AKAP9: variants seen among roughly 807,000 people sequenced by gnomAD.
AKAP9 encodes A-kinase anchoring protein 9, also known as A-kinase anchor protein 9.
AKAP9 carries 311 observed loss-of-function variants against 488.5 expected under a neutral mutation model. That is an observed-to-expected ratio of 0.64 (90% CI 0.58 to 0.70). The LOEUF (loss-of-function observed/expected upper bound fraction) is 0.70, where lower values mean the gene tolerates loss of function less well. Ranked by LOEUF, AKAP9 falls within the 30% of genes least tolerant of loss-of-function variation. The pLI, the probability that AKAP9 is intolerant of heterozygous loss-of-function variation, is 0.00. For missense variants in AKAP9, 4,215 were observed against 4,374.5 expected, an observed-to-expected ratio of 0.96 and a Z score of 1.03; for synonymous variants, 1,462 against 1,483.5, an observed-to-expected ratio of 0.99 and a Z score of 0.33.
intron 8 of AKAP9, among the ~76,000 whole-genome samples, chr7:92,006,961 C>T (rs1436651048): frequency 6.6e-6 from 1 of 152,094 alleles, no homozygotes; most frequent in African/African-American, 2.4e-5. Context: ...GACCCAGTCT[C>T]CTGTATCTCT....
chr7:92,108,775 T>A, intron 49 of AKAP9, 142 bp downstream of exon 49: 1 of 985,108 alleles, frequency 1.0e-6, no homozygotes, highest in Non-Finnish European at 1.6e-6. Context: ...AGCCAAAGCT[T>A]AAACTCTTGT....
At chr7:91,995,967 T>A in intron 7 of AKAP9, 167 bp downstream of exon 7, 1 of 630,066 alleles carries the variant, frequency 1.6e-6, no homozygotes, top group Non-Finnish European at 2.7e-6. Flanking sequence ...ATGTAGTTTT[T>A]AAGATAATAG....
chr7:92,055,319 C>T (rs1356090948), intron 22 of AKAP9, among the ~76,000 whole-genome samples: 14 of 152,004 alleles, frequency 9.2e-5, no homozygotes, highest in Admixed American at 6.6e-5. Flanking sequence ...AATCAAAATA[C>T]TGAAACACAT....
chr7:91,956,508 G>A (rs1202944287), intron 1 of AKAP9, among the ~76,000 whole-genome samples: 1 of 151,718 alleles, frequency 6.6e-6, no homozygotes, highest in Non-Finnish European at 1.5e-5. Context: ...TATTGATTCT[G>A]AGCTGCTTTG....
In AKAP9 at chr7:91,998,418, C is replaced by CTTTTTTTTTTTTTTTTTT. The variant is rs60778133; in HGVS notation, c.931-2410_931-2393dup. 7.4e-5 allele frequency among the ~76,000 whole-genome samples: 4 copies of CTTTTTTTTTTTTTTTTTT among 53,994 alleles called. 1 individual carries two copies. The highest frequency in any genetic ancestry group is 1.2e-4 in the Non-Finnish European group (3 of 25,224). 35.4% of individuals were successfully genotyped at this position (53,994 alleles called of 152,430 possible). A position where few individuals can be genotyped will look rare whatever the true frequency, so the allele number is the denominator to read the frequency against. On this transcript the variant is annotated intron_variant, in intron 7 of 49. Transcript: ENST00000356239. ...AGATAGTGTATTCAACCACAGGGCT[C>CTTTTTTTTTTTTTTTTTT]TTTTTTTTTTTTTTTTTTTTTTTTT...
intron 1 of AKAP9, among the ~76,000 whole-genome samples, chr7:91,944,894 T>A (rs1791249504): frequency 6.6e-6 from 1 of 152,206 alleles, no homozygotes; most frequent in Admixed American, 6.5e-5. Context: ...TTTTATAGAT[T>A]TCCTTTCTGT....
intron 16 of AKAP9, 44 bp from the exon 17 acceptor site, chr7:92,038,375 T>C (rs1226825680): frequency 6.8e-7 from 1 of 1,477,564 alleles, no homozygotes; most frequent in Non-Finnish European, 9.4e-7. Flanking sequence ...TTCCTGCTGA[T>C]ATTTCTAAAT....
chr7:92,031,662 A>G (rs1804260152), intron 16 of AKAP9, 58 bp downstream of exon 16: 5 of 1,293,462 alleles, frequency 3.9e-6, no homozygotes, highest in Middle Eastern at 1.8e-4. Context: ...TGAGCCTTCA[A>G]AAAGAACATA....
intron 31 of AKAP9, among the ~76,000 whole-genome samples, chr7:92,082,227 G>C (rs1813709537): frequency 6.6e-6 from 1 of 152,154 alleles, no homozygotes; most frequent in Non-Finnish European, 1.5e-5. Context: ...GAGCCACCGT[G>C]CCTGGCCTAA....
intron 37 of AKAP9, 109 bp downstream of exon 37, chr7:92,086,525 A>G (rs1814597358): frequency 3.5e-6 from 3 of 856,054 alleles, no homozygotes; most frequent in Admixed American, 4.5e-5. Context: ...AGGAGCCACT[A>G]TGAATATTTT....
rs752639444 is a variant in AKAP9 at position 92,080,098 on chromosome 7, A to G, written c.7965A>G (p.Lys2655=). 5 of 1,591,826 alleles carry G rather than the reference A, an allele frequency of 3.1e-6. 1 individual carries two copies. The highest frequency in any genetic ancestry group is 3.5e-4 in the Middle Eastern group (2 of 5,728). The change falls in exon 31 of 50, where the codon AAA becomes AAG. Residue 2655 remains lysine, a synonymous_variant. Coordinates refer to ENST00000356239, the MANE Select transcript of AKAP9 (RefSeq NM_005751.5). ...AGAAGCTATTGGAGGGCAATGAGAA[A>G]AAACAGAGAGAGAAAGAAAAGAAAA... is the stretch of plus-strand genomic sequence containing the variant. ...ELQKLLEGNE[K]KQREKEKKRS...
intron 3 of AKAP9, among the ~76,000 whole-genome samples, chr7:91,983,555 G>A (rs1204106802): frequency 6.6e-6 from 1 of 152,134 alleles, no homozygotes. Flanking sequence ...ATAATCCTTT[G>A]GGTATATACC....
At chr7:91,948,605 C>CTTTTTTT (rs55928500) in intron 1 of AKAP9, among the ~76,000 whole-genome samples, 13 of 107,564 alleles carry the variant, frequency 1.2e-4, no homozygotes, top group Non-Finnish European at 1.8e-4. Flanking sequence ...TTGTAGATTT[C>CTTTTTTT]TTTTTTTTTT....
Position 92,108,525 on chromosome 7 carries a change from G to T in AKAP9, c.11578G>T (p.Gly3860Cys), listed in dbSNP as rs752923990. Residue 3860 changes from glycine (G) to cysteine (C), a missense_variant, in exon 49 of 50, where the codon GGT becomes TGT. Physicochemically the swap from Gly to Cys is radical, Grantham distance 159. This residue lies in a region of AKAP9 where 253 missense variants were observed against 266.8 expected (regional missense o/e 0.95). Transcript: ENST00000356239. The stretch of plus-strand genomic sequence containing the variant: ...AGGCACTCCAGCTGATTTCAATCCT[G>T]GTTCTTTAGCATGTTCTCAGCTTCA... ...YPGTPADFNPGSLACSQLQNY... is the reference protein window; with the variant it reads ...YPGTPADFNPCSLACSQLQNY... 2.7e-5 allele frequency: 44 copies of T among 1,613,894 alleles called. No homozygotes were observed. The highest frequency in any genetic ancestry group is 3.6e-5 in the Non-Finnish European group (42 of 1,179,954).
In AKAP9 at chr7:92,097,046, T is replaced by C; in HGVS notation, c.10087T>C (p.Leu3363=). 1 of 1,614,178 alleles carries C rather than the reference T, an allele frequency of 6.2e-7. No individual in the cohort carries two copies. The change falls in exon 41 of 50, where the codon TTA becomes CTA. Residue 3363 remains leucine (L), a synonymous_variant. Transcript: ENST00000356239. ...EEKHSRIVEL[L]NETEKYKLDS... ...AAAACACAGTCGCATAGTAGAATTG[T>C]TAAATGAGACTGAAAAATATAAACT...
chr7:91,961,396 T>G (rs1173474904), intron 1 of AKAP9, among the ~76,000 whole-genome samples: 1 of 151,366 alleles, frequency 6.6e-6, no homozygotes, highest in Non-Finnish European at 1.5e-5. Flanking sequence ...CAGGCTGGTC[T>G]CTATCTCCTG....
chr7:92,093,034 A>G (rs1467876196), intron 38 of AKAP9, 63 bp from the exon 39 acceptor site: 16 of 1,421,214 alleles, frequency 1.1e-5, no homozygotes, highest in Non-Finnish European at 1.5e-5. Flanking sequence ...TTATCAACAA[A>G]TATTTATAAA....
intron 12 of AKAP9, among the ~76,000 whole-genome samples, chr7:92,021,517 C>A (rs1350319442): frequency 1.3e-5 from 2 of 152,132 alleles, no homozygotes; most frequent in African/African-American, 2.4e-5. Context: ...TGGCTCACTG[C>A]AACTTCCCCT....
chr7:91,973,910 T>C lies in AKAP9; in HGVS notation c.248T>C (p.Ile83Thr). 6.2e-7 allele frequency: 1 copy of C among 1,614,060 alleles called. No homozygotes were observed. ...TCAACTGTGATTCCTGAATCTACAA[T>C]AATGAGAACTCTACATAGTGGAGAA... ...VESTVIPEST[I>T]MRTLHSGEIT... The change falls in exon 2 of 50, where the codon ATA (isoleucine) becomes ACA (threonine). Residue 83 changes from isoleucine to threonine, a missense_variant. By Grantham distance (89) the Ile-to-Thr change is moderately conservative (BLOSUM62 -1). Around this residue, in one of 5 missense-constraint regions of AKAP9, gnomAD observed 2,361 missense variants for 2,430.0 expected, o/e 0.97. Transcript: ENST00000356239.
Sources: gnomAD v4.1 joint callset for allele counts (sites outside exome capture counted in the v4.1 genomes callset) on GRCh38, gnomAD v4.1.1 for gene constraint, gnomAD v4.1.1 regional missense constraint, MANE v1.5 for transcripts, NCBI Gene and HGNC (gene_info 2026-07-23, HGNC 2026-07-21) for gene names.